STX1A: variants seen among roughly 807,000 people sequenced by gnomAD.
STX1A encodes the protein syntaxin 1A.
Under a neutral mutation model 37.8 loss-of-function variants are expected in STX1A, and 4 were observed. The observed-to-expected ratio is 0.11, with a 90% CI of 0.05 to 0.24. The LOEUF (loss-of-function observed/expected upper bound fraction) is 0.24, where lower values mean the gene tolerates loss of function less well. Ranked by LOEUF, STX1A falls within the 10% of genes least tolerant of loss-of-function variation. The pLI is 1.00. For missense variants in STX1A, 251 were observed against 399.9 expected (o/e 0.63, Z 3.18); for synonymous variants, 135 against 147.4 (o/e 0.92, Z 0.61).
At position 73,705,062 on chromosome 7, in the gene STX1A, C is replaced by T; in HGVS notation, c.283+88G>A. On this transcript the variant is annotated intron_variant, in intron 4 of 9. Coordinates refer to ENST00000222812, the MANE Select transcript of STX1A (RefSeq NM_004603.4). The surrounding 1 kb of genome is among the most constrained non-coding windows in gnomAD (Gnocchi z 5.2). ...GAAAGGAAAGCAAGATCCGGCGCAC[C>T]CCCTCAGGGCGAGCAAAACCCCATG... The T allele has an allele frequency of 7.8e-7, 1 of 1,274,474 alleles. No individual in the cohort carries two copies. The highest frequency in any genetic ancestry group is 1.1e-6 in the Non-Finnish European group (1 of 874,306). The allele number at this position is 1,274,474 out of a possible 1,614,324, so 78.9% of individuals were successfully genotyped here.
chr7:73,709,221 C>T lies in STX1A; in HGVS notation c.31-99G>A. On this transcript the variant is annotated intron_variant, in intron 1 of 9. Coordinates refer to ENST00000222812, the MANE Select transcript of STX1A (RefSeq NM_004603.4). The surrounding 1 kb of genome is among the most constrained non-coding windows in gnomAD (Gnocchi z 4.2). ...CAGCGCCAGGGCCCTGCCCCTCCCC[C>T]TCTCCCTGGGGGCCTCTGGGCAGGG... The T allele has an allele frequency of 8.1e-7, 1 of 1,240,128 alleles. No individual in the cohort carries two copies. Among genetic ancestry groups the T allele is most frequent in the South Asian group, 1.2e-5 (1 of 80,212 alleles). 76.8% of individuals were successfully genotyped at this position (1,240,128 alleles called of 1,614,324 possible).
At chr7:73,714,757 A>G (rs1344403492) in intron 1 of STX1A, among the ~76,000 whole-genome samples, 2 of 125,092 alleles carry the variant, frequency 1.6e-5, no homozygotes, top group African/African-American at 6.1e-5. Flanking sequence ...GGCGAGCACC[A>G]GAATCCTTTG....
chr7:73,703,621 G>T, intron 7 of STX1A, 134 bp downstream of exon 7: 1 of 1,058,886 alleles, frequency 9.4e-7, no homozygotes. Flanking sequence ...TCCCCTCTCT[G>T]GGACTCTTCC....
In STX1A at chr7:73,700,789, CAT is replaced by C. The variant is rs1554615740; in HGVS notation, c.728_729del (p.Tyr243CysfsTer7). Reference sequence around the variant, plus strand: ...TTGGTGTCAGACACGGCCCTCTCCACATAGTCTACCGCGTGTTCCACATTGTA... The same window carrying C: ...TTGGTGTCAGACACGGCCCTCTCCACAGTCTACCGCGTGTTCCACATTGTA... ...IEYNVEHAVD[Y>X]VERAVSDTKK... is the part of the protein sequence containing the mutation. On this transcript the variant is annotated frameshift_variant, in exon 9 of 10. Transcript: ENST00000222812. LOFTEE classifies it high-confidence loss of function. The surrounding 1 kb of genome is among the most constrained non-coding windows in gnomAD (Gnocchi z 4.4). The C allele has an allele frequency of 6.2e-7, 1 of 1,613,910 alleles. No homozygotes were observed. The highest frequency in any genetic ancestry group is 8.5e-7 in the Non-Finnish European group (1 of 1,179,986).
Position 73,706,585 on chromosome 7 carries a change from C to T in STX1A, c.209-1361G>A, listed in dbSNP as rs1798880559. On this transcript the variant is annotated intron_variant, in intron 3 of 9. Coordinates refer to ENST00000222812, the MANE Select transcript of STX1A (RefSeq NM_004603.4). The surrounding 1 kb of genome is among the most constrained non-coding windows in gnomAD (Gnocchi z 4.6). Reference sequence around the variant, plus strand: ...GGTGACTCAGAACCGGTCCCTATGACTGTGCATGACACCGCAGCAGGAGAC... The same window carrying T: ...GGTGACTCAGAACCGGTCCCTATGATTGTGCATGACACCGCAGCAGGAGAC... Among the ~76,000 whole-genome samples, 1 of 152,200 alleles carries T rather than the reference C, an allele frequency of 6.6e-6. No homozygotes were observed. Among genetic ancestry groups the T allele is most frequent in the Non-Finnish European group, 1.5e-5 (1 of 68,028 alleles).
rs375458054 is a variant in STX1A, at chr7:73,705,588, G to A, written c.209-364C>T. On this transcript the variant is annotated intron_variant, in intron 3 of 9. Coordinates refer to ENST00000222812, the MANE Select transcript of STX1A (RefSeq NM_004603.4). This position sits in a 1 kb window ranked among gnomAD's most constrained non-coding sequence, Gnocchi z 5.2. The stretch of plus-strand genomic sequence containing the variant: ...GACTTGATGCTTGCTGGAGTTGAAG[G>A]GGTGGGGGGGCGGTGTGGGCTCACC... The A allele has an allele frequency of 7.2e-5, 20 of 279,632 alleles. 1 individual carries two copies. Among genetic ancestry groups the A allele is most frequent in the Admixed American group, 5.2e-4 (11 of 20,956 alleles). The allele number at this position is 279,632 out of a possible 1,614,324, so 17.3% of individuals were successfully genotyped here.
Position 73,700,664 on chromosome 7 carries a change from T to C in STX1A, c.789+66A>G. ...GGGAGAGAGGTGGGATGGGGAGGGA[T>C]GTGGGATGGTTGGGGGTCCCTAATG... On this transcript the variant is annotated intron_variant, in intron 9 of 9. Transcript: ENST00000222812. This position sits in a 1 kb window ranked among gnomAD's most constrained non-coding sequence, Gnocchi z 4.4. 6.3e-7 allele frequency: 1 copy of C among 1,584,044 alleles called. No homozygotes were observed. Among genetic ancestry groups the C allele is most frequent in the Non-Finnish European group, 8.6e-7 (1 of 1,160,092 alleles).
At chr7:73,708,990 G>A (rs1370579901) in intron 2 of STX1A, 55 bp downstream of exon 2, 2 of 1,593,490 alleles carry the variant, frequency 1.3e-6, no homozygotes, top group Admixed American at 1.7e-5. Flanking sequence ...AGAGGCGAGA[G>A]TGGCCCCCCA....
At chr7:73,716,009 G>A (rs1241727793) in intron 1 of STX1A, among the ~76,000 whole-genome samples, 1 of 152,200 alleles carries the variant, frequency 6.6e-6, no homozygotes, top group Non-Finnish European at 1.5e-5. Flanking sequence ...TCAGGCCGTG[G>A]AAGGGGCCAG....
chr7:73,704,634 A>G, intron 4 of STX1A: 1 of 616,958 alleles, frequency 1.6e-6, no homozygotes, highest in South Asian at 1.9e-5. Context: ...GTGTAAATGC[A>G]CACCCACTCC....
intron 3 of STX1A, 124 bp downstream of exon 3, chr7:73,708,465 C>T: frequency 1.1e-6 from 1 of 911,342 alleles, no homozygotes; most frequent in Non-Finnish European, 1.7e-6. Context: ...CGACCCTGGC[C>T]CGCCCAGACA....
At position 73,705,696 on chromosome 7, in the gene STX1A, C is replaced by T. The variant is rs781951848; in HGVS notation, c.209-472G>A. ...CACCCCACACTCCCTGAGTCATATG[C>T]GCAAACACTCTGGGTGGGGCAGACC... On this transcript the variant is annotated intron_variant, in intron 3 of 9. Transcript: ENST00000222812. This position sits in a 1 kb window ranked among gnomAD's most constrained non-coding sequence, Gnocchi z 5.2. 23 of 175,964 alleles carry T rather than the reference C, an allele frequency of 1.3e-4. No homozygotes were observed. Among genetic ancestry groups the T allele is most frequent in the East Asian group, 3.4e-4 (2 of 5,864 alleles). The allele number at this position is 175,964 out of a possible 1,614,324, so 10.9% of individuals were successfully genotyped here.
intron 1 of STX1A, among the ~76,000 whole-genome samples, chr7:73,719,207 C>T (rs1413259691): frequency 6.6e-6 from 1 of 152,046 alleles, no homozygotes; most frequent in African/African-American, 2.4e-5. Context: ...CTGTCTACAC[C>T]GAGGGGGCAC....
intron 3 of STX1A, 113 bp downstream of exon 3, chr7:73,708,476 C>A: frequency 9.5e-7 from 1 of 1,049,880 alleles, no homozygotes; most frequent in Non-Finnish European, 1.4e-6. Context: ...CGCCCAGACA[C>A]TCCTAAGCCC....
chr7:73,705,093 C>T lies in STX1A; in HGVS notation c.283+57G>A, dbSNP rs1272838913. 7.7e-6 allele frequency: 12 copies of T among 1,551,930 alleles called. No homozygotes were observed. The highest frequency in any genetic ancestry group is 2.2e-5 in the East Asian group (1 of 44,576). ...AGGGCGAGCAAAACCCCATGGGCTC[C>T]GCAGAGGAAGCAGGCCTAGAATGCC... On this transcript the variant is annotated intron_variant, in intron 4 of 9. Transcript: ENST00000222812. The surrounding 1 kb of genome is among the most constrained non-coding windows in gnomAD (Gnocchi z 5.2).
intron 1 of STX1A, among the ~76,000 whole-genome samples, chr7:73,718,315 GA>G (rs1799363655): frequency 2.0e-5 from 3 of 152,190 alleles, no homozygotes. Context: ...GCAAGTGGGG[GA>G]CATGAAGGCA....
intron 1 of STX1A, among the ~76,000 whole-genome samples, chr7:73,713,069 A>G (rs1416181504): frequency 1.3e-5 from 2 of 152,138 alleles, no homozygotes; most frequent in Non-Finnish European, 2.9e-5. Flanking sequence ...CTGTCTGTGG[A>G]GTGGATTTGG....
intron 1 of STX1A, among the ~76,000 whole-genome samples, chr7:73,716,927 T>C: frequency 6.6e-6 from 1 of 152,236 alleles, no homozygotes; most frequent in East Asian, 1.9e-4. Context: ...CGGTCTCTCT[T>C]TGTTACCTGT....
chr7:73,708,801 G>T, intron 2 of STX1A, 113 bp from the exon 3 acceptor site: 1 of 1,180,804 alleles, frequency 8.5e-7, no homozygotes, highest in Non-Finnish European at 1.2e-6. Flanking sequence ...GGACGGGCCA[G>T]GCTCCGGGTG....
Sources: allele counts gnomAD v4.1 joint callset (sites outside exome capture counted in the v4.1 genomes callset), GRCh38; gene constraint gnomAD v4.1.1; non-coding constraint Gnocchi (gnomAD v3.1); transcripts MANE v1.5; gene names NCBI Gene and HGNC (gene_info 2026-07-23, HGNC 2026-07-21).